DDX10: variants seen among roughly 807,000 people sequenced by gnomAD.
DDX10 encodes the protein DEAD-box helicase 10.
In DDX10, 74 loss-of-function variants were observed where a neutral mutation model predicts 104.3. The observed-to-expected ratio is 0.71, with a 90% CI of 0.59 to 0.86. The LOEUF (loss-of-function observed/expected upper bound fraction) is 0.86. DDX10 is among the 40% of genes least tolerant of loss of function. The probability of loss-of-function intolerance (pLI) is 0.00; values close to 1 mark genes in which losing one functional copy is unlikely to be tolerated. For missense variants in DDX10, 952 were observed against 1,040.0 expected (o/e 0.92, Z 1.16); for synonymous variants, 351 against 353.4 (o/e 0.99, Z 0.08).
chr11:108,798,260 T>A (rs1406807969), intron 13 of DDX10, among the ~76,000 whole-genome samples: 2 of 152,214 alleles, frequency 1.3e-5, no homozygotes, highest in Non-Finnish European at 2.9e-5. Flanking sequence ...TCGGTCTCAA[T>A]GAATTTTTCT....
intron 13 of DDX10, among the ~76,000 whole-genome samples, chr11:108,754,633 A>G (rs2094342381): frequency 6.6e-6 from 1 of 152,036 alleles, no homozygotes; most frequent in African/African-American, 2.4e-5. Context: ...GTAAGGGTCA[A>G]AACTAGAGTA....
In DDX10 at chr11:108,915,543, A is replaced by C. The variant is rs1863736895; in HGVS notation, c.2305-2330A>C. Among the ~76,000 whole-genome samples the C allele has an allele frequency of 2.0e-5, 3 of 151,996 alleles. No individual in the cohort carries two copies. The South Asian group carries it at 6.2e-4, about 31-fold the overall frequency. ...TATAATGCAATGTGTCAACATTTAG[A>C]GATCTGCATAATCTATGTAATTCAG... On this transcript the variant is annotated intron_variant, in intron 16 of 17. Coordinates refer to ENST00000322536, the MANE Select transcript of DDX10 (RefSeq NM_004398.4).
chr11:108,935,331 A>G (rs117219268), intron 17 of DDX10, among the ~76,000 whole-genome samples: 172 of 152,288 alleles, frequency 1.1e-3, no homozygotes, highest in Non-Finnish European at 1.8e-3. Flanking sequence ...AGCAAGGGGT[A>G]TATTAAGGGG....
chr11:108,886,906 A>G (rs1047447653), intron 16 of DDX10, among the ~76,000 whole-genome samples: 1 of 152,196 alleles, frequency 6.6e-6, no homozygotes, highest in East Asian at 1.9e-4. Context: ...GCTATTCTGG[A>G]CATTTGTAGG....
chr11:108,669,096 CTTT>C (rs569505369), intron 1 of DDX10, among the ~76,000 whole-genome samples: 1 of 139,150 alleles, frequency 7.2e-6, no homozygotes, highest in Non-Finnish European at 1.6e-5. Context: ...TGGAGCTAAG[CTTT>C]TTTTTTTTTT....
intron 16 of DDX10, among the ~76,000 whole-genome samples, chr11:108,911,304 G>A (rs899995412): frequency 6.6e-6 from 1 of 152,120 alleles, no homozygotes; most frequent in Admixed American, 6.5e-5. Context: ...TTAGATTGGG[G>A]GTAATTTATA....
In DDX10 at chr11:108,841,321, C is replaced by G; in HGVS notation, c.2092C>G (p.Gln698Glu). 6.2e-7 allele frequency: 1 copy of G among 1,612,386 alleles called. No individual in the cohort carries two copies. Among genetic ancestry groups the G allele is most frequent in the South Asian group, 1.1e-5 (1 of 90,896 alleles). ...ITFTDEGELV[Q>E]QWPQMQKSAI... is the part of the protein sequence containing the mutation. ...ACCTTTTTTTTACCTGTAGTTGGTTCAGCAGTGGCCACAAATGCAGAAATC... is the reference window on the plus strand; with the variant it reads ...ACCTTTTTTTTACCTGTAGTTGGTTGAGCAGTGGCCACAAATGCAGAAATC... Residue 698 changes from glutamine to glutamate, a missense_variant, in exon 15 of 18, where the codon CAG becomes GAG. Physicochemically the swap from Gln to Glu is conservative, Grantham distance 29. This residue lies in a region of DDX10 where 533 missense variants were observed against 534.1 expected (regional missense o/e 1.00). Transcript: ENST00000322536.
intron 9 of DDX10, among the ~76,000 whole-genome samples, chr11:108,702,970 A>G (rs1476147073): frequency 2.0e-5 from 3 of 152,214 alleles, no homozygotes; most frequent in Non-Finnish European, 4.4e-5. Flanking sequence ...ATAAATTTGG[A>G]AGAGCTGCAT....
chr11:108,701,276 G>C (rs1294458835), intron 9 of DDX10, among the ~76,000 whole-genome samples: 1 of 152,074 alleles, frequency 6.6e-6, no homozygotes. Context: ...CTGTCTTTCT[G>C]CACCTGCATA....
intron 16 of DDX10, among the ~76,000 whole-genome samples, chr11:108,892,463 C>T (rs879531055): frequency 6.6e-5 from 10 of 152,132 alleles, no homozygotes; most frequent in South Asian, 4.1e-4. Flanking sequence ...GCATCACAAA[C>T]GGACTAAGAC....
At chr11:108,871,779 C>T (rs547949722) in intron 16 of DDX10, among the ~76,000 whole-genome samples, 3 of 152,152 alleles carry the variant, frequency 2.0e-5, no homozygotes, top group African/African-American at 7.2e-5. Context: ...AAATACAAAA[C>T]TAGCCGGGAG....
intron 2 of DDX10, 42 bp from the exon 3 acceptor site, chr11:108,675,554 C>T: frequency 1.0e-5 from 16 of 1,602,556 alleles, no homozygotes; most frequent in Non-Finnish European, 1.3e-5. Flanking sequence ...TACCATCCTA[C>T]AGGGATCTTC....
intron 13 of DDX10, among the ~76,000 whole-genome samples, chr11:108,760,489 T>A (rs1485458456): frequency 1.3e-5 from 2 of 152,202 alleles, no homozygotes; most frequent in Non-Finnish European, 2.9e-5. Flanking sequence ...TTAGTTTATA[T>A]GGGAACATTC....
rs1465050944 is a variant in DDX10 at position 108,804,511 on chromosome 11, A to AAC, written c.1966-33934_1966-33933insCA. 2.6e-5 allele frequency among the ~76,000 whole-genome samples: 4 copies of AAC among 151,530 alleles called. No homozygotes were observed. In the East Asian group the frequency reaches 5.8e-4, roughly 22 times the overall value. ...GAGACCCTGTCTCAAAAAAAAAAAA[A>AAC]AAAAAAACCCTCCAAAAGAAGTTGC... On this transcript the variant is annotated intron_variant, in intron 13 of 17. Coordinates refer to ENST00000322536, the MANE Select transcript of DDX10 (RefSeq NM_004398.4).
rs539262889 is a variant in DDX10 at position 108,735,193 on chromosome 11, A to T, written c.1965+11731A>T. On this transcript the variant is annotated intron_variant, in intron 13 of 17. Coordinates refer to ENST00000322536, the MANE Select transcript of DDX10 (RefSeq NM_004398.4). ...TTAGAATTAAATCACTTTTGCTTTG[A>T]TGCGAAGCTTTGTTCTTTACCATGA... Among the ~76,000 whole-genome samples, 27 of 152,314 alleles carry T rather than the reference A, an allele frequency of 1.8e-4. No individual in the cohort carries two copies. In the Middle Eastern group the frequency reaches 0.01, roughly 58 times the overall value.
intron 13 of DDX10, among the ~76,000 whole-genome samples, chr11:108,809,711 A>G (rs890873730): frequency 6.6e-6 from 1 of 152,192 alleles, no homozygotes; most frequent in African/African-American, 2.4e-5. Flanking sequence ...ATTCTAATGC[A>G]TGTATCCTCC....
intron 13 of DDX10, among the ~76,000 whole-genome samples, chr11:108,803,352 G>A (rs1283834682): frequency 6.6e-6 from 1 of 151,382 alleles, no homozygotes; most frequent in Non-Finnish European, 1.5e-5. Flanking sequence ...CAAGCACTTT[G>A]GGAGGCCGAG....
intron 16 of DDX10, among the ~76,000 whole-genome samples, chr11:108,882,943 T>C (rs1863246622): frequency 6.6e-6 from 1 of 152,236 alleles, no homozygotes; most frequent in South Asian, 2.1e-4. Flanking sequence ...GTTCTGTTAT[T>C]CAATAATGTC....
chr11:108,807,614 T>G (rs1279290639), intron 13 of DDX10, among the ~76,000 whole-genome samples: 3 of 152,216 alleles, frequency 2.0e-5, no homozygotes, highest in Non-Finnish European at 4.4e-5. Context: ...AGAAAAATCA[T>G]ATCAGGATAT....
Sources: gnomAD v4.1 joint callset for allele counts (sites outside exome capture counted in the v4.1 genomes callset) on GRCh38, gnomAD v4.1.1 for gene constraint, gnomAD v4.1.1 regional missense constraint, MANE v1.5 for transcripts, NCBI Gene and HGNC (gene_info 2026-07-23, HGNC 2026-07-21) for gene names.